Variants in COA1 observed in about 807,000 individuals in gnomAD.
COA1 encodes the protein cytochrome c oxidase assembly factor 1 homolog.
In COA1, 13 loss-of-function variants were observed where a neutral mutation model predicts 16.0. That is an observed-to-expected ratio of 0.81 (90% CI 0.53 to 1.29). The LOEUF (loss-of-function observed/expected upper bound fraction) is 1.29, where lower values mean the gene tolerates loss of function less well. COA1 is among the 50% of genes most tolerant of loss of function. The pLI is 0.00. For synonymous variants in COA1, 65 were observed against 65.7 expected (o/e 0.99, Z 0.05); for missense variants, 179 against 177.0 (o/e 1.01, Z -0.06).
chr7:43,613,560 A>C (rs898778588), intron 6 of COA1, among the ~76,000 whole-genome samples: 162 of 152,254 alleles, frequency 1.1e-3, no homozygotes, highest in African/African-American at 3.5e-3. Context: ...GACTAGAAGA[A>C]GGCCAGGTGT....
At chr7:43,697,879 G>A (rs1563406952) in intron 1 of COA1, among the ~76,000 whole-genome samples, 1 of 152,190 alleles carries the variant, frequency 6.6e-6, no homozygotes, top group Non-Finnish European at 1.5e-5. Context: ...ACACACCACA[G>A]CAAAAGGCAC....
At position 43,639,280 on chromosome 7, in the gene COA1, A is replaced by G. The variant is rs2086480869; in HGVS notation, c.*302T>C. ...GCAAAGATCAACAAACATTTTATTA[A>G]TTCTGATTCCTTTTATCATGTGCTT... On this transcript the variant is annotated 3_prime_UTR_variant, in exon 6 of 6. Coordinates refer to ENST00000223336, the MANE Select transcript of COA1 (RefSeq NM_018224.4). 1 of 197,636 alleles carries G rather than the reference A, an allele frequency of 5.1e-6. No individual in the cohort carries two copies. 12.2% of individuals were successfully genotyped at this position (197,636 alleles called of 1,614,324 possible).
intron 1 of COA1, among the ~76,000 whole-genome samples, chr7:43,721,784 A>T (rs574911887): frequency 2.7e-5 from 4 of 149,578 alleles, no homozygotes; most frequent in Non-Finnish European, 6.0e-5. Context: ...ACGGTAATTT[A>T]AAAAAAAAAC....
chr7:43,643,463 C>T (rs997276062), intron 4 of COA1, among the ~76,000 whole-genome samples: 1 of 152,234 alleles, frequency 6.6e-6, no homozygotes, highest in Non-Finnish European at 1.5e-5. Context: ...ACCATGGGAG[C>T]AATCCGGTGG....
intron 1 of COA1, among the ~76,000 whole-genome samples, chr7:43,655,508 G>A (rs940552870): frequency 1.2e-4 from 18 of 152,036 alleles, no homozygotes; most frequent in African/African-American, 4.3e-4. Flanking sequence ...AACATCAACC[G>A]GGCATGGTGG....
At chr7:43,628,260 G>A (rs1247554215) in intron 6 of COA1, among the ~76,000 whole-genome samples, 1 of 152,114 alleles carries the variant, frequency 6.6e-6, no homozygotes, top group Admixed American at 6.5e-5. Flanking sequence ...CCAAAGTGTT[G>A]GGATTACAGG....
At chr7:43,690,684 G>C (rs1269123758) in intron 1 of COA1, among the ~76,000 whole-genome samples, 1 of 151,544 alleles carries the variant, frequency 6.6e-6, no homozygotes, top group Non-Finnish European at 1.5e-5. Context: ...TATTGAAATA[G>C]AAAAATAAAT....
At chr7:43,665,843 T>G (rs960795738) in intron 1 of COA1, 9 of 152,150 alleles carry the variant, frequency 5.9e-5, no homozygotes, top group African/African-American at 2.2e-4. Flanking sequence ...ACTGCCACCA[T>G]GATCCAATCA....
At chr7:43,697,102 G>A (rs1196809460) in intron 1 of COA1, among the ~76,000 whole-genome samples, 1 of 150,012 alleles carries the variant, frequency 6.7e-6, no homozygotes, top group East Asian at 2.0e-4. Flanking sequence ...CCAGCCTGGC[G>A]ACAGAGACTC....
chr7:43,657,676 A>AT (rs534396685), intron 1 of COA1, among the ~76,000 whole-genome samples: 180 of 151,270 alleles, frequency 1.2e-3, no homozygotes, highest in African/African-American at 4.2e-3. Flanking sequence ...TCAGTTAGTA[A>AT]TAAGTACTTT....
chr7:43,623,524 G>C, intron 6 of COA1: 1 of 1,548,270 alleles, frequency 6.5e-7, no homozygotes, highest in Non-Finnish European at 8.8e-7. Context: ...AGCAAATTAG[G>C]AATTTTTTTC....
intron 1 of COA1, among the ~76,000 whole-genome samples, chr7:43,688,800 AGAG>A (rs1284049480): frequency 6.6e-6 from 1 of 152,264 alleles, no homozygotes; most frequent in African/African-American, 2.4e-5. Context: ...CCAGTAGGAA[AGAG>A]GTAAAGCAGG....
At chr7:43,709,282 T>C (rs1324788097) in intron 1 of COA1, among the ~76,000 whole-genome samples, 1 of 152,146 alleles carries the variant, frequency 6.6e-6, no homozygotes, top group African/African-American at 2.4e-5. Flanking sequence ...TGCCTCGGCC[T>C]CCCAAAGTGC....
intron 1 of COA1, among the ~76,000 whole-genome samples, chr7:43,715,866 G>C (rs1260761821): frequency 1.3e-5 from 2 of 152,178 alleles, no homozygotes; most frequent in African/African-American, 4.8e-5. Context: ...CCCAGTGGGA[G>C]ATAATCGAAT....
chr7:43,630,885 G>A (rs908333129), intron 6 of COA1, among the ~76,000 whole-genome samples: 2 of 151,816 alleles, frequency 1.3e-5, no homozygotes, highest in East Asian at 1.9e-4. Context: ...TCTCTTGCCC[G>A]TCCCCTCCCC....
chr7:43,649,247 G>C (rs966520786), intron 1 of COA1: 2 of 152,314 alleles, frequency 1.3e-5, no homozygotes, highest in African/African-American at 4.8e-5. Flanking sequence ...CTGAGGCACA[G>C]AAAGGTTAAG....
exon 7 of COA1, chr7:43,608,635 TATG>T: frequency 2.8e-6 from 1 of 360,078 alleles, no homozygotes; most frequent in Non-Finnish European, 4.9e-6. Flanking sequence ...GAACTCAAAA[TATG>T]ATAAGACAGA....
intron 1 of COA1, among the ~76,000 whole-genome samples, chr7:43,701,579 G>T (rs1585191340): frequency 6.6e-6 from 1 of 152,194 alleles, no homozygotes; most frequent in African/African-American, 2.4e-5. Flanking sequence ...ATGTACAAAT[G>T]TATGTGTCTT....
At chr7:43,628,492 T>C (rs77192521) in intron 6 of COA1, among the ~76,000 whole-genome samples, 138 of 152,384 alleles carry the variant, frequency 9.1e-4, no homozygotes, top group Middle Eastern at 3.4e-3. Context: ...CTAGGTCTTA[T>C]GGTAGCTGTA....
Sources: allele counts gnomAD v4.1 joint callset (sites outside exome capture counted in the v4.1 genomes callset), GRCh38; gene constraint gnomAD v4.1.1; transcripts MANE v1.5; gene names NCBI Gene and HGNC (gene_info 2026-07-23, HGNC 2026-07-21).